Variants in FBXL13 observed in about 807,000 individuals in gnomAD.
FBXL13 encodes the protein F-box and leucine rich repeat protein 13.
A neutral mutation model predicts 83.6 loss-of-function variants in FBXL13; 67 were observed. The observed-to-expected ratio is 0.80, with a 90% CI of 0.66 to 0.98. FBXL13 has a LOEUF of 0.98. FBXL13 is among the 50% of genes least tolerant of loss of function. The pLI is 0.00. For missense variants in FBXL13, 822 were observed against 866.5 expected (o/e 0.95, Z 0.64); for synonymous variants, 272 against 299.5 (o/e 0.91, Z 0.95).
intron 16 of FBXL13, among the ~76,000 whole-genome samples, chr7:102,871,568 A>G (rs770295325): frequency 5.3e-5 from 8 of 149,738 alleles, no homozygotes; most frequent in African/African-American, 9.9e-5. Flanking sequence ...TTTTTTCTGT[A>G]TTTTTGTAGA....
At chr7:102,883,000 G>A (rs903659803) in intron 14 of FBXL13, among the ~76,000 whole-genome samples, 3 of 151,950 alleles carry the variant, frequency 2.0e-5, no homozygotes, top group African/African-American at 7.3e-5. Context: ...AAAAGATCAT[G>A]TTAACTGAAC....
intron 6 of FBXL13, among the ~76,000 whole-genome samples, chr7:103,022,524 C>T (rs1793326896): frequency 6.7e-6 from 1 of 148,244 alleles, no homozygotes; most frequent in Admixed American, 6.7e-5. Flanking sequence ...ATAAAGAGCC[C>T]AGAAATAATG....
chr7:102,848,272 C>T (rs1228838405), intron 17 of FBXL13, among the ~76,000 whole-genome samples: 1 of 124,020 alleles, frequency 8.1e-6, no homozygotes, highest in African/African-American at 3.8e-5. Flanking sequence ...AATACACATT[C>T]GAGGCCGGGC....
exon 14 of FBXL13, chr7:102,883,322 A>G (rs1399965318): frequency 1.2e-6 from 2 of 1,611,858 alleles, no homozygotes; most frequent in Non-Finnish European, 1.7e-6. Context: ...AATTTGCCAA[A>G]TTCAACACAG....
intron 1 of FBXL13, among the ~76,000 whole-genome samples, chr7:103,065,596 T>C (rs1418903486): frequency 6.6e-6 from 1 of 152,214 alleles, no homozygotes; most frequent in Non-Finnish European, 1.5e-5. Context: ...AAAGAATTAC[T>C]AACTAGTAAA....
At chr7:103,017,456 C>G (rs1345740924) in intron 6 of FBXL13, among the ~76,000 whole-genome samples, 1 of 152,192 alleles carries the variant, frequency 6.6e-6, no homozygotes, top group African/African-American at 2.4e-5. Flanking sequence ...TCGCCAGGAA[C>G]AGAACAAAGC....
At chr7:102,883,883 C>T (rs749186028) in intron 12 of FBXL13, among the ~76,000 whole-genome samples, 198 bp from the exon 14 acceptor site, 8 of 152,096 alleles carry the variant, frequency 5.3e-5, no homozygotes, top group Admixed American at 2.6e-4. Context: ...AATTAAATCA[C>T]GTACTAAGAG....
chr7:103,014,434 A>G (rs1792011032), intron 6 of FBXL13, among the ~76,000 whole-genome samples: 1 of 152,214 alleles, frequency 6.6e-6, no homozygotes, highest in Non-Finnish European at 1.5e-5. Flanking sequence ...GCTGAATTCT[A>G]TCAGATGTAT....
intron 10 of FBXL13, among the ~76,000 whole-genome samples, chr7:102,923,081 A>G (rs1817400350): frequency 6.6e-6 from 1 of 152,234 alleles, no homozygotes; most frequent in Non-Finnish European, 1.5e-5. Flanking sequence ...ACAAGGTGAT[A>G]TATGTCAAAG....
At chr7:102,936,249 T>C (rs1014245276) in intron 8 of FBXL13, 1 of 152,180 alleles carries the variant, frequency 6.6e-6, no homozygotes, top group Non-Finnish European at 1.5e-5. Context: ...TCCAGGAAGA[T>C]AGTAACATTC....
chr7:102,913,901 A>G (rs758113186), intron 10 of FBXL13, among the ~76,000 whole-genome samples: 44 of 152,214 alleles, frequency 2.9e-4, no homozygotes, highest in Non-Finnish European at 4.9e-4. Context: ...ATCAGAGACT[A>G]TAAATCTCGC....
intron 6 of FBXL13, among the ~76,000 whole-genome samples, chr7:102,999,690 T>C (rs1790189882): frequency 6.6e-6 from 1 of 152,174 alleles, no homozygotes; most frequent in Non-Finnish European, 1.5e-5. Context: ...TGTTTTCCAA[T>C]TTGTTGGCAT....
At chr7:102,826,751 A>ATATATATATATG (rs1799750035) in intron 18 of FBXL13, among the ~76,000 whole-genome samples, 2 of 109,844 alleles carry the variant, frequency 1.8e-5, no homozygotes, top group Admixed American at 1.1e-4. Context: ...ATATATATAT[A>ATATATATATATG]TATATATATA....
intron 16 of FBXL13, among the ~76,000 whole-genome samples, chr7:102,875,965 C>A (rs1231359855): frequency 6.6e-6 from 1 of 152,138 alleles, no homozygotes; most frequent in African/African-American, 2.4e-5. Context: ...GCCCTGTAAT[C>A]ACTCAGAAAT....
chr7:103,054,973 C>A, intron 2 of FBXL13, 115 bp downstream of exon 3: 1 of 488,832 alleles, frequency 2.0e-6, no homozygotes, highest in East Asian at 7.4e-5. Flanking sequence ...TTTCTCGGTG[C>A]CCCCAACAAC....
chr7:102,958,828 C>T (rs1824722009), intron 8 of FBXL13, among the ~76,000 whole-genome samples: 1 of 151,646 alleles, frequency 6.6e-6, no homozygotes, highest in Admixed American at 6.6e-5. Context: ...TGTGACCAGA[C>T]AGAATGAGGA....
intron 14 of FBXL13, among the ~76,000 whole-genome samples, chr7:102,879,367 G>C (rs1188452136): frequency 6.6e-6 from 1 of 151,988 alleles, no homozygotes; most frequent in Non-Finnish European, 1.5e-5. Context: ...AGGTGGATGC[G>C]ATGCCTGTGT....
chr7:102,981,802 G>A (rs73408286), intron 6 of FBXL13, among the ~76,000 whole-genome samples: 5,378 of 152,198 alleles, frequency 0.035, 291 homozygotes, highest in African/African-American at 0.12. Flanking sequence ...TTCCAAAGAC[G>A]TCACCTGCAA....
At chr7:102,937,970 T>G (rs909348500) in intron 8 of FBXL13, among the ~76,000 whole-genome samples, 3 of 152,210 alleles carry the variant, frequency 2.0e-5, no homozygotes, top group Admixed American at 2.0e-4. Context: ...ACCTAATATG[T>G]GCCCATTCAA....
Sources: gnomAD v4.1 joint callset for allele counts (sites outside exome capture counted in the v4.1 genomes callset) on GRCh38, gnomAD v4.1.1 for gene constraint, MANE v1.5 for transcripts, NCBI Gene and HGNC (gene_info 2026-07-23, HGNC 2026-07-21) for gene names.